The following PPP2R2B variants were observed in gnomAD, a reference collection of about 807,000 sequenced individuals.
The protein encoded by PPP2R2B is protein phosphatase 2 regulatory subunit Bbeta, also known as serine/threonine-protein phosphatase 2A 55 kDa regulatory subunit B beta isoform.
Under a neutral mutation model 46.0 loss-of-function variants are expected in PPP2R2B, and 5 were observed. The ratio of observed to expected loss-of-function variants is 0.11; its 90% CI spans 0.06 to 0.23. The LOEUF (loss-of-function observed/expected upper bound fraction) is 0.23, where lower values mean the gene tolerates loss of function less well. Among genes scored for constraint, PPP2R2B ranks in the 10% least tolerant of loss-of-function variants. The probability of loss-of-function intolerance (pLI) is 1.00; values close to 1 mark genes in which losing one functional copy is unlikely to be tolerated. For missense variants in PPP2R2B, 367 were observed against 575.0 expected (o/e 0.64, Z 3.70); for synonymous variants, 215 against 206.7 (o/e 1.04, Z -0.34).
chr5:146,980,636 T>C (rs1259670878), intron 1 of PPP2R2B, among the ~76,000 whole-genome samples: 1 of 152,160 alleles, frequency 6.6e-6, no homozygotes, highest in East Asian at 1.9e-4. Context: ...ACTTGAACAT[T>C]AAATAGATTA....
rs1369861605 is a variant in PPP2R2B, at chr5:146,642,447, A to G, written c.626-4032T>C. ...CTTTTTATGAAAACAAAAGTCCAGC[A>G]TGATATTAGAAAAAGATTGACAACT... On this transcript the variant is annotated intron_variant, in intron 6 of 9. Coordinates refer to ENST00000394411, the MANE Select transcript of PPP2R2B (RefSeq NM_181675.4). 3.3e-5 allele frequency among the ~76,000 whole-genome samples: 5 copies of G among 152,356 alleles called. No homozygotes were observed. The East Asian group carries it at 9.6e-4, about 29-fold the overall frequency.
intron 1 of PPP2R2B, among the ~76,000 whole-genome samples, chr5:146,960,933 T>G (rs1406640068): frequency 6.6e-6 from 1 of 152,106 alleles, no homozygotes; most frequent in African/African-American, 2.4e-5. Context: ...ATTCCAGGAA[T>G]AGAGAAAAAA....
chr5:146,924,154 T>C (rs923461072), intron 1 of PPP2R2B, among the ~76,000 whole-genome samples: 1 of 152,160 alleles, frequency 6.6e-6, no homozygotes, highest in African/African-American at 2.4e-5. Flanking sequence ...TGAAATAATC[T>C]GTACAACAAA....
intron 2 of PPP2R2B, among the ~76,000 whole-genome samples, chr5:146,752,341 C>A (rs752584287): frequency 1.3e-5 from 2 of 152,102 alleles, no homozygotes; most frequent in African/African-American, 2.4e-5. Context: ...ATGTTGGCTC[C>A]TTATCATGAT....
At chr5:147,000,206 A>T (rs1754105883) in intron 1 of PPP2R2B, among the ~76,000 whole-genome samples, 1 of 152,180 alleles carries the variant, frequency 6.6e-6, no homozygotes, top group Non-Finnish European at 1.5e-5. Flanking sequence ...TGGCATTAAG[A>T]TATTGTTTAT....
upstream of PPP2R2B, chr5:146,878,990 C>T: frequency 9.5e-7 from 1 of 1,054,568 alleles, no homozygotes; most frequent in African/African-American, 1.7e-5. The surrounding 1 kb of genome is among the most constrained non-coding windows in gnomAD (Gnocchi z 4.5). Context: ...TCTCGCGCCA[C>T]TCAGCTAAGG....
At chr5:146,785,859 G>A (rs1755805467) in intron 2 of PPP2R2B, among the ~76,000 whole-genome samples, 1 of 152,170 alleles carries the variant, frequency 6.6e-6, no homozygotes. Flanking sequence ...TAGAGTGGCA[G>A]TTGCCAGTGG....
chr5:146,797,590 C>T (rs1756617596), intron 2 of PPP2R2B, among the ~76,000 whole-genome samples: 1 of 152,190 alleles, frequency 6.6e-6, no homozygotes, highest in South Asian at 2.1e-4. Context: ...ATATTTGTAA[C>T]CTCGTGCTTA....
rs112604521 is a variant in PPP2R2B at position 146,639,699 on chromosome 5, C to T, written c.626-1284G>A. The stretch of plus-strand genomic sequence containing the variant: ...GCCACCTTTGTGATTTTTGCCCTAT[C>T]TGTGCATCATCAGATAGTACTTTTT... On this transcript the variant is annotated intron_variant, in intron 6 of 9. Coordinates refer to ENST00000394411, the MANE Select transcript of PPP2R2B (RefSeq NM_181675.4). Among the ~76,000 whole-genome samples, 176 of 152,344 alleles carry T rather than the reference C, an allele frequency of 1.2e-3. 1 individual carries two copies. Among genetic ancestry groups the T allele is most frequent in the African/African-American group, 3.9e-3 (163 of 41,584 alleles).
In PPP2R2B at chr5:146,773,828, T is replaced by C. The variant is rs186826595; in HGVS notation, c.71-72686A>G. On this transcript the variant is annotated intron_variant, in intron 2 of 9. Transcript: ENST00000394411. ...CCAATTTTAATTGCCATGAGTTTTT[T>C]GTTTAATGTGAATTATTTATATAAT... Among the ~76,000 whole-genome samples the C allele has an allele frequency of 2.6e-5, 4 of 152,340 alleles. No homozygotes were observed. In the East Asian group the frequency reaches 5.8e-4, roughly 22 times the overall value.
At chr5:146,846,358 G>A (rs367604524) in intron 2 of PPP2R2B, among the ~76,000 whole-genome samples, 15 of 144,950 alleles carry the variant, frequency 1.0e-4, no homozygotes, top group African/African-American at 3.3e-4. Context: ...CAGCCTGGGC[G>A]ACAGAGTGAG....
chr5:146,649,298 T>A (rs1235558771), intron 6 of PPP2R2B, among the ~76,000 whole-genome samples: 1 of 152,156 alleles, frequency 6.6e-6, no homozygotes, highest in African/African-American at 2.4e-5. Flanking sequence ...ATAAATCTCA[T>A]GCCTTAGGTT....
chr5:146,633,241 C>T (rs1319134239), intron 7 of PPP2R2B, among the ~76,000 whole-genome samples: 3 of 152,190 alleles, frequency 2.0e-5, no homozygotes, highest in Non-Finnish European at 4.4e-5. Flanking sequence ...GCTCTGATAA[C>T]ACGGTTCTCC....
chr5:146,931,788 T>C (rs1380008557), intron 1 of PPP2R2B, among the ~76,000 whole-genome samples: 1 of 152,180 alleles, frequency 6.6e-6, no homozygotes, highest in Non-Finnish European at 1.5e-5. Flanking sequence ...CATAACATAG[T>C]TTACAGTGAG....
At chr5:146,985,919 C>T (rs188019680) in intron 1 of PPP2R2B, among the ~76,000 whole-genome samples, 2 of 151,956 alleles carry the variant, frequency 1.3e-5, no homozygotes, top group Non-Finnish European at 2.9e-5. Flanking sequence ...ACAAAAACAA[C>T]AAACTATACA....
At chr5:146,941,526 GA>G (rs1764323680) in intron 1 of PPP2R2B, among the ~76,000 whole-genome samples, 1 of 152,244 alleles carries the variant, frequency 6.6e-6, no homozygotes, top group East Asian at 1.9e-4. Context: ...GGTGTGTTCA[GA>G]ACCACATCAG....
chr5:146,850,160 G>A (rs1044358420), intron 2 of PPP2R2B, among the ~76,000 whole-genome samples: 2 of 152,122 alleles, frequency 1.3e-5, no homozygotes, highest in African/African-American at 2.4e-5. Flanking sequence ...ATACCATGGG[G>A]GAGCTCATCT....
intron 2 of PPP2R2B, among the ~76,000 whole-genome samples, chr5:146,829,242 T>C (rs1005462872): frequency 2.0e-5 from 3 of 152,210 alleles, no homozygotes; most frequent in African/African-American, 7.2e-5. Context: ...AAAATTATAA[T>C]ATCCTGCTAA....
chr5:146,991,392 A>G (rs1168321542), intron 1 of PPP2R2B, among the ~76,000 whole-genome samples: 1 of 152,150 alleles, frequency 6.6e-6, no homozygotes, highest in African/African-American at 2.4e-5. Context: ...AGAAGTAGAG[A>G]GTAGAATAGT....
Sources: gnomAD v4.1 joint callset for allele counts (sites outside exome capture counted in the v4.1 genomes callset) on GRCh38, gnomAD v4.1.1 for gene constraint, Gnocchi (gnomAD v3.1) non-coding constraint, MANE v1.5 for transcripts, NCBI Gene and HGNC (gene_info 2026-07-23, HGNC 2026-07-21) for gene names.